NEBL: variants seen among roughly 807,000 people sequenced by gnomAD.
NEBL encodes LIM and SH3 protein 2.
A neutral mutation model predicts 140.2 loss-of-function variants in NEBL; 122 were observed. That is an observed-to-expected ratio of 0.87 (90% CI 0.75 to 1.01). The LOEUF (loss-of-function observed/expected upper bound fraction) is 1.01, where lower values mean the gene tolerates loss of function less well. NEBL is among the 50% of genes least tolerant of loss of function. The probability of loss-of-function intolerance (pLI) is 0.00; values close to 1 mark genes in which losing one functional copy is unlikely to be tolerated. For missense variants in NEBL, 1,365 were observed against 1,231.3 expected, an observed-to-expected ratio of 1.11 and a Z score of -1.62; for synonymous variants, 436 against 398.9, an observed-to-expected ratio of 1.09 and a Z score of -1.11.
intron 11 of NEBL, among the ~76,000 whole-genome samples, chr10:20,846,849 GA>G (rs1159455303): frequency 6.9e-4 from 99 of 144,136 alleles, no homozygotes; most frequent in Middle Eastern, 3.6e-3. Flanking sequence ...TATATAGCTA[GA>G]AAAAAAAAAA....
intron 2 of NEBL, among the ~76,000 whole-genome samples, chr10:21,062,769 C>T (rs1296167710): frequency 6.6e-6 from 1 of 152,094 alleles, no homozygotes; most frequent in East Asian, 1.9e-4. Flanking sequence ...CCTCTCAGTT[C>T]TGCACCAGTC....
In NEBL at chr10:20,851,576, C is replaced by A. The variant is rs184586514; in HGVS notation, c.1008+969G>T. 2.4e-4 allele frequency among the ~76,000 whole-genome samples: 37 copies of A among 151,420 alleles called. No homozygotes were observed. The East Asian group carries it at 6.4e-3, about 26-fold the overall frequency. On this transcript the variant is annotated intron_variant, in intron 10 of 27. Coordinates refer to ENST00000377122, the MANE Select transcript of NEBL (RefSeq NM_006393.3). Reference sequence around the variant, plus strand: ...AGATCACAAGATCAGGAGTTTGAGACCAGCCTGGCCAATATAGTGAAACCC... The same window carrying A: ...AGATCACAAGATCAGGAGTTTGAGAACAGCCTGGCCAATATAGTGAAACCC...
intron 26 of NEBL, among the ~76,000 whole-genome samples, chr10:20,801,755 T>C (rs1449297553): frequency 3.3e-5 from 5 of 152,256 alleles, no homozygotes; most frequent in Middle Eastern, 3.4e-3. Flanking sequence ...CCTCTTGATA[T>C]ATGCTATGAA....
chr10:20,793,857 G>A (rs1369662827), intron 26 of NEBL, among the ~76,000 whole-genome samples: 1 of 152,152 alleles, frequency 6.6e-6, no homozygotes, highest in African/African-American at 2.4e-5. Flanking sequence ...TGTCTGGCTG[G>A]TGTCTTGTTT....
intron 2 of NEBL, among the ~76,000 whole-genome samples, chr10:21,023,291 G>A (rs1838874015): frequency 6.6e-6 from 1 of 152,186 alleles, no homozygotes. Flanking sequence ...TGTCAAATGT[G>A]TTACAGAAAG....
At chr10:20,792,067 G>A (rs184587899) in intron 26 of NEBL, among the ~76,000 whole-genome samples, 9 of 150,584 alleles carry the variant, frequency 6.0e-5, no homozygotes, top group Non-Finnish European at 1.3e-4. Context: ...AAAGGTGAAG[G>A]TTTTGAAGGC....
chr10:20,863,415 A>G (rs1290643147), intron 7 of NEBL, among the ~76,000 whole-genome samples: 2 of 152,212 alleles, frequency 1.3e-5, no homozygotes, highest in Non-Finnish European at 2.9e-5. Flanking sequence ...TTGAAAATGA[A>G]AAGTAAGCAA....
chr10:21,036,840 T>C lies in NEBL; in HGVS notation c.165-16639A>G, dbSNP rs118131868. Among the ~76,000 whole-genome samples, 1,420 of 152,232 alleles carry C rather than the reference T, an allele frequency of 9.3e-3. 45 individuals carry two copies. In the East Asian group the frequency reaches 0.1, roughly 11 times the overall value. On this transcript the variant is annotated intron_variant, in intron 2 of 6. Coordinates refer to the NEBL transcript ENST00000417816. ...AGGAATATTAGGCCTGGAGGTGACT[T>C]GGGTATCTCCACATCAGACACCAGG...
chr10:21,250,173 G>A (rs10400156), intron 2 of NEBL, among the ~76,000 whole-genome samples: 31,398 of 152,106 alleles, frequency 0.21, 3,857 homozygotes, highest in African/African-American at 0.34. Flanking sequence ...TGTCTGTGAG[G>A]GTTTTGTCAA....
At chr10:21,120,715 C>A (rs560983027) in intron 2 of NEBL, among the ~76,000 whole-genome samples, 1 of 146,238 alleles carries the variant, frequency 6.8e-6, no homozygotes, top group Non-Finnish European at 1.5e-5. Context: ...CCCAGGACCA[C>A]CTATGCAAGA....
chr10:21,237,968 C>T (rs1842382574), intron 3 of NEBL, among the ~76,000 whole-genome samples: 1 of 152,202 alleles, frequency 6.6e-6, no homozygotes, highest in African/African-American at 2.4e-5. Context: ...TTAGACCCCT[C>T]AGTGATCTAT....
intron 2 of NEBL, among the ~76,000 whole-genome samples, chr10:21,096,941 C>A (rs1004288175): frequency 6.6e-6 from 1 of 151,908 alleles, no homozygotes; most frequent in African/African-American, 2.4e-5. Context: ...TTCCTCTACC[C>A]TTCTCTATTA....
chr10:20,910,083 A>G (rs1270139443), intron 4 of NEBL, among the ~76,000 whole-genome samples: 1 of 152,282 alleles, frequency 6.6e-6, no homozygotes, highest in East Asian at 1.9e-4. Flanking sequence ...TAAAAAGTTG[A>G]ATTTTTTGGG....
At chr10:21,022,780 T>C (rs555263511) in intron 2 of NEBL, among the ~76,000 whole-genome samples, 60 of 152,356 alleles carry the variant, frequency 3.9e-4, no homozygotes, top group Admixed American at 4.6e-4. Flanking sequence ...TATGCTTGTA[T>C]AACCGCTGGA....
chr10:21,278,522 A>G (rs571360958), intron 1 of NEBL, among the ~76,000 whole-genome samples: 2 of 152,120 alleles, frequency 1.3e-5, no homozygotes, highest in Non-Finnish European at 2.9e-5. Context: ...GGCTGGGAGG[A>G]GTTTGGAAAT....
rs139051323 is a variant in NEBL at position 20,875,908 on chromosome 10, T to C, written c.480+4886A>G. Among the ~76,000 whole-genome samples, 177 of 152,298 alleles carry C rather than the reference T, an allele frequency of 1.2e-3. 1 individual carries two copies. In the East Asian group the frequency reaches 0.031, roughly 26 times the overall value. On this transcript the variant is annotated intron_variant, in intron 5 of 27. Coordinates refer to ENST00000377122, the MANE Select transcript of NEBL (RefSeq NM_006393.3). Reference sequence around the variant, plus strand: ...GAACAGAGGCAAATCATGTAACTGGTATATAGTGGTAATCTTTAAGCAATG... The same window carrying C: ...GAACAGAGGCAAATCATGTAACTGGCATATAGTGGTAATCTTTAAGCAATG...
At chr10:21,046,317 C>T (rs1473784612) in intron 2 of NEBL, among the ~76,000 whole-genome samples, 2 of 152,058 alleles carry the variant, frequency 1.3e-5, no homozygotes, top group African/African-American at 2.4e-5. Context: ...ATCATGATGA[C>T]TACAGTTAAT....
chr10:20,886,088 C>T (rs74123531), intron 4 of NEBL, among the ~76,000 whole-genome samples: 7,246 of 152,140 alleles, frequency 0.048, 472 homozygotes, highest in African/African-American at 0.15. Context: ...ACCTAGGGGA[C>T]GGGTTCATAT....
At chr10:20,900,371 C>G (rs1013935624), upstream of NEBL, among the ~76,000 whole-genome samples, 1 of 152,154 alleles carries the variant, frequency 6.6e-6, no homozygotes, top group African/African-American at 2.4e-5. Context: ...ACTGAGTTGA[C>G]AGAAGTTAAT....
Sources: allele counts gnomAD v4.1 joint callset (sites outside exome capture counted in the v4.1 genomes callset), GRCh38; gene constraint gnomAD v4.1.1; transcripts MANE v1.5; gene names NCBI Gene and HGNC (gene_info 2026-07-23, HGNC 2026-07-21).